TTC28: variants seen among roughly 807,000 people sequenced by gnomAD.
The protein encoded by TTC28 is tetratricopeptide repeat protein 28.
Under a neutral mutation model 198.0 loss-of-function variants are expected in TTC28, and 61 were observed. That is an observed-to-expected ratio of 0.31 (90% CI 0.25 to 0.38). The LOEUF (loss-of-function observed/expected upper bound fraction) is 0.38. TTC28 is among the 10% of genes least tolerant of loss of function. The probability of loss-of-function intolerance (pLI) is 1.00; values close to 1 mark genes in which losing one functional copy is unlikely to be tolerated. For synonymous variants in TTC28, 1,171 were observed against 1,297.8 expected (o/e 0.90, Z 2.10); for missense variants, 2,678 against 3,164.0 (o/e 0.85, Z 3.69).
chr22:28,559,139 T>C (rs897709102), intron 2 of TTC28, among the ~76,000 whole-genome samples: 16 of 152,158 alleles, frequency 1.1e-4, no homozygotes, highest in Non-Finnish European at 2.2e-4. Flanking sequence ...TGCTTGAAAA[T>C]GGTTCACATG....
At chr22:28,650,038 A>ATT (rs577722057) in intron 1 of TTC28, among the ~76,000 whole-genome samples, 1 of 152,122 alleles carries the variant, frequency 6.6e-6, no homozygotes, top group African/African-American at 2.4e-5. Flanking sequence ...TAAAATATCA[A>ATT]TTTTTGTGAA....
chr22:28,631,675 C>G (rs903083438), intron 1 of TTC28, among the ~76,000 whole-genome samples: 3 of 152,058 alleles, frequency 2.0e-5, no homozygotes, highest in Non-Finnish European at 4.4e-5. Flanking sequence ...CAGGCATGCA[C>G]CACCCCGCCT....
chr22:28,043,070 C>G (rs556597640), intron 12 of TTC28, among the ~76,000 whole-genome samples: 3 of 151,674 alleles, frequency 2.0e-5, no homozygotes, highest in Admixed American at 2.0e-4. Flanking sequence ...ATGGCAAAAC[C>G]CTGTCTCTAC....
chr22:28,342,052 T>C (rs1330934782), intron 2 of TTC28, among the ~76,000 whole-genome samples: 2 of 152,164 alleles, frequency 1.3e-5, no homozygotes, highest in Non-Finnish European at 2.9e-5. Flanking sequence ...ATTTGTACTC[T>C]GAACATGTTT....
chr22:28,084,916 G>T (rs912592740), intron 12 of TTC28, among the ~76,000 whole-genome samples: 1 of 152,074 alleles, frequency 6.6e-6, no homozygotes, highest in African/African-American at 2.4e-5. Context: ...TATCAGTGAT[G>T]GAAGACGAAA....
chr22:28,491,187 T>C (rs1437098498), intron 2 of TTC28, among the ~76,000 whole-genome samples: 1 of 152,200 alleles, frequency 6.6e-6, no homozygotes, highest in Non-Finnish European at 1.5e-5. Context: ...TTTAGAGAGT[T>C]TCTCTTAAAG....
chr22:27,995,464 G>A (rs1224302384), intron 17 of TTC28, among the ~76,000 whole-genome samples: 1 of 152,216 alleles, frequency 6.6e-6, no homozygotes, highest in Non-Finnish European at 1.5e-5. Context: ...GATGAAACAA[G>A]TTTGATGTCA....
At chr22:28,284,144 A>G (rs1320728167) in intron 5 of TTC28, among the ~76,000 whole-genome samples, 4 of 152,200 alleles carry the variant, frequency 2.6e-5, no homozygotes, top group African/African-American at 9.7e-5. Flanking sequence ...GGCAAGAATG[A>G]TGGCATATTC....
intron 2 of TTC28, among the ~76,000 whole-genome samples, chr22:28,567,761 T>C (rs1353221483): frequency 1.3e-5 from 2 of 151,604 alleles, no homozygotes; most frequent in East Asian, 1.9e-4. Flanking sequence ...ATGAAGAAGA[T>C]ATGGAATCAA....
At chr22:28,621,575 AAT>A (rs2050998243) in intron 2 of TTC28, among the ~76,000 whole-genome samples, 1 of 151,124 alleles carries the variant, frequency 6.6e-6, no homozygotes, top group African/African-American at 2.4e-5. Flanking sequence ...TAATAAAAAA[AAT>A]AAAAAGTTTA....
chr22:28,172,722 T>C (rs1461598858), intron 5 of TTC28, among the ~76,000 whole-genome samples: 1 of 152,166 alleles, frequency 6.6e-6, no homozygotes, highest in Non-Finnish European at 1.5e-5. Context: ...GTGATGGGTG[T>C]CCTGGAAGTC....
chr22:28,494,404 A>C (rs1487498303), intron 2 of TTC28, among the ~76,000 whole-genome samples: 3 of 152,208 alleles, frequency 2.0e-5, no homozygotes, highest in Admixed American at 6.5e-5. Context: ...GGCCAATTAG[A>C]AACTGTCAAC....
chr22:28,596,172 A>G (rs1468481250), intron 2 of TTC28, among the ~76,000 whole-genome samples: 2 of 152,244 alleles, frequency 1.3e-5, no homozygotes, highest in Non-Finnish European at 2.9e-5. Flanking sequence ...AATTGTAAGA[A>G]AACAACCAGT....
At position 27,979,472 on chromosome 22, in the gene TTC28, T is replaced by A. The variant is rs1480396159; in HGVS notation, c.*2749A>T. 2.8e-5 allele frequency: 4 copies of A among 143,078 alleles called. No homozygotes were observed. The highest frequency in any genetic ancestry group is 6.0e-5 in the Non-Finnish European group (4 of 66,202). 8.9% of individuals were successfully genotyped at this position (143,078 alleles called of 1,614,324 possible). A position where few individuals can be genotyped will look rare whatever the true frequency, so the allele number is the denominator to read the frequency against. ...TCTATCCTGGGTGACAGAGCGAGAC[T>A]CTGTCTCAAAAAAAAAAAAAAAGGC... On this transcript the variant is annotated 3_prime_UTR_variant, in exon 23 of 23. Coordinates refer to ENST00000397906, the MANE Select transcript of TTC28 (RefSeq NM_001145418.2).
rs369011176 is a variant in TTC28 at position 28,108,724 on chromosome 22, G to A, written c.1442-321C>T. On this transcript the variant is annotated intron_variant, in intron 6 of 22. Coordinates refer to ENST00000397906, the MANE Select transcript of TTC28 (RefSeq NM_001145418.2). ...AATGAAAAAGTTCAATAGCCATTGC[G>A]TATAAAGAGTTTATTTGGTTTGATT... 1.1e-4 allele frequency among the ~76,000 whole-genome samples: 17 copies of A among 152,288 alleles called. 1 individual carries two copies. The South Asian group carries it at 2.5e-3, about 22-fold the overall frequency.
At chr22:28,009,119 C>T (rs1275304525) in intron 14 of TTC28, among the ~76,000 whole-genome samples, 2 of 152,136 alleles carry the variant, frequency 1.3e-5, no homozygotes, top group Non-Finnish European at 2.9e-5. Context: ...CAAATGCAAC[C>T]GGGCCCTCCT....
intron 2 of TTC28, among the ~76,000 whole-genome samples, chr22:28,343,298 G>A (rs1254426191): frequency 1.3e-5 from 2 of 152,170 alleles, no homozygotes; most frequent in African/African-American, 2.4e-5. Flanking sequence ...GGGAGGCCAA[G>A]GCAGGTGGAT....
intron 6 of TTC28, among the ~76,000 whole-genome samples, chr22:28,154,990 A>G (rs1943720248): frequency 6.6e-6 from 1 of 152,150 alleles, no homozygotes; most frequent in South Asian, 2.1e-4. Context: ...CTTCTTTGAT[A>G]TAAATGTTAC....
intron 6 of TTC28, among the ~76,000 whole-genome samples, chr22:28,139,141 C>T (rs1943270652): frequency 6.6e-6 from 1 of 152,088 alleles, no homozygotes; most frequent in South Asian, 2.1e-4. Flanking sequence ...TTAATGATGC[C>T]TTCTGTGGAT....
Sources: allele counts gnomAD v4.1 joint callset (sites outside exome capture counted in the v4.1 genomes callset), GRCh38; gene constraint gnomAD v4.1.1; transcripts MANE v1.5; gene names NCBI Gene and HGNC (gene_info 2026-07-23, HGNC 2026-07-21).